ADGRB3: variants seen among roughly 807,000 people sequenced by gnomAD.
The protein encoded by ADGRB3 is adhesion G protein-coupled receptor B3.
ADGRB3 carries 37 observed loss-of-function variants against 193.4 expected under a neutral mutation model. The ratio of observed to expected loss-of-function variants is 0.19; its 90% CI spans 0.15 to 0.25. ADGRB3 has a LOEUF of 0.25. ADGRB3 is among the 10% of genes least tolerant of loss of function. The pLI, the probability that ADGRB3 is intolerant of heterozygous loss-of-function variation, is 1.00. For missense variants in ADGRB3, 1,637 were observed against 1,852.9 expected (o/e 0.88, Z 2.14); for synonymous variants, 690 against 644.2 (o/e 1.07, Z -1.08).
At chr6:68,877,988 C>A (rs569855744) in intron 3 of ADGRB3, among the ~76,000 whole-genome samples, 31 of 152,152 alleles carry the variant, frequency 2.0e-4, no homozygotes, top group African/African-American at 6.0e-4. Flanking sequence ...AGGCTAGAAT[C>A]TATTATGTTT....
At chr6:68,988,760 A>G (rs1047486475) in intron 10 of ADGRB3, among the ~76,000 whole-genome samples, 1 of 152,138 alleles carries the variant, frequency 6.6e-6, no homozygotes, top group African/African-American at 2.4e-5. Context: ...ACAAGCAGCG[A>G]TGCCCTTCCA....
intron 20 of ADGRB3, among the ~76,000 whole-genome samples, chr6:69,253,449 A>G (rs1441415159): frequency 6.6e-6 from 1 of 152,032 alleles, no homozygotes; most frequent in Non-Finnish European, 1.5e-5. Flanking sequence ...TCTAATGGCA[A>G]TGGGTATGAA....
chr6:68,879,655 T>G (rs1011984019), intron 3 of ADGRB3, among the ~76,000 whole-genome samples: 1 of 152,164 alleles, frequency 6.6e-6, no homozygotes, highest in South Asian at 2.1e-4. Flanking sequence ...TCTAGTGGTC[T>G]TGGGGAAAGT....
chr6:68,822,241 T>C (rs998895869), intron 3 of ADGRB3, among the ~76,000 whole-genome samples: 3 of 151,948 alleles, frequency 2.0e-5, no homozygotes, highest in African/African-American at 7.2e-5. Context: ...TATATAGCTT[T>C]TTATGTAGGC....
intron 8 of ADGRB3, among the ~76,000 whole-genome samples, chr6:68,966,496 A>G (rs1379102690): frequency 6.6e-6 from 1 of 152,114 alleles, no homozygotes; most frequent in Non-Finnish European, 1.5e-5. Flanking sequence ...CTTCTTGGTT[A>G]TTCCCAGTTC....
At chr6:68,642,957 A>C (rs1768115483) in intron 3 of ADGRB3, among the ~76,000 whole-genome samples, 1 of 152,186 alleles carries the variant, frequency 6.6e-6, no homozygotes, top group Non-Finnish European at 1.5e-5. Flanking sequence ...ATTCTGGACT[A>C]TATAGCTGAG....
chr6:68,661,896 A>C lies in ADGRB3; in HGVS notation c.757+22464A>C, dbSNP rs148339083. Among the ~76,000 whole-genome samples the C allele has an allele frequency of 3.9e-4, 59 of 151,524 alleles. 1 individual carries two copies. The East Asian group carries it at 7.8e-3, about 20-fold the overall frequency. ...TCTGCAGTAATCCAAAAATAAATTG[A>C]TTACAACAGAAGTAATTGAAAAACA... On this transcript the variant is annotated intron_variant, in intron 3 of 31. Transcript: ENST00000370598.
chr6:68,670,924 T>C (rs1768939457), intron 3 of ADGRB3, among the ~76,000 whole-genome samples: 1 of 152,040 alleles, frequency 6.6e-6, no homozygotes, highest in South Asian at 2.1e-4. Context: ...TGGTGTCCTC[T>C]TTAATTTCTT....
chr6:68,688,842 A>G (rs1435542900), intron 3 of ADGRB3, among the ~76,000 whole-genome samples: 2 of 152,172 alleles, frequency 1.3e-5, no homozygotes, highest in East Asian at 3.9e-4. Flanking sequence ...ACAGGACTTG[A>G]TTGGAATGGA....
intron 20 of ADGRB3, among the ~76,000 whole-genome samples, chr6:69,313,903 TTACTC>T (rs1281852348): frequency 1.3e-5 from 2 of 151,754 alleles, no homozygotes; most frequent in Non-Finnish European, 2.9e-5. Flanking sequence ...ATTTAACACT[TTACTC>T]TGGTCTCTCC....
At chr6:68,894,788 A>G (rs1295991823) in intron 3 of ADGRB3, among the ~76,000 whole-genome samples, 4 of 151,982 alleles carry the variant, frequency 2.6e-5, no homozygotes, top group Non-Finnish European at 4.4e-5. Flanking sequence ...TAAACATTTC[A>G]CTTAAAATCA....
rs1273256515 is a variant in ADGRB3 at position 68,683,281 on chromosome 6, C to T, written c.757+43849C>T. Among the ~76,000 whole-genome samples the T allele has an allele frequency of 2.6e-5, 4 of 152,140 alleles. No individual in the cohort carries two copies. The South Asian group carries it at 8.3e-4, about 32-fold the overall frequency. The stretch of plus-strand genomic sequence containing the variant: ...AATCTGAGATATTGATAAAGATTTA[C>T]ATGGTGCTAGTATTTATAATACCCT... On this transcript the variant is annotated intron_variant, in intron 3 of 31. Transcript: ENST00000370598.
chr6:69,336,410 ATT>A (rs35946396), intron 24 of ADGRB3, among the ~76,000 whole-genome samples: 3 of 148,268 alleles, frequency 2.0e-5, no homozygotes, highest in African/African-American at 7.4e-5. Context: ...ATTTCATGTG[ATT>A]TTTTTTTTTT....
chr6:69,018,328 A>G (rs776263230), intron 12 of ADGRB3, 63 bp from the exon 13 acceptor site: 444 of 995,348 alleles, frequency 4.5e-4, no homozygotes, highest in Non-Finnish European at 6.1e-4. Context: ...AAAAAAATTC[A>G]GTTATATATG....
chr6:69,020,545 G>A (rs1360222829), intron 13 of ADGRB3, among the ~76,000 whole-genome samples: 2 of 151,952 alleles, frequency 1.3e-5, no homozygotes, highest in African/African-American at 2.4e-5. Flanking sequence ...ACTGTAAGAG[G>A]TATATTAAGC....
At chr6:69,331,889 C>A in intron 23 of ADGRB3, 1 of 985,108 alleles carries the variant, frequency 1.0e-6, no homozygotes, top group Middle Eastern at 5.2e-4. Context: ...AATAAGTATT[C>A]TCTTGATTAA....
intron 15 of ADGRB3, among the ~76,000 whole-genome samples, chr6:69,062,173 G>T (rs1771767834): frequency 6.6e-6 from 1 of 151,800 alleles, no homozygotes. Flanking sequence ...AATACTAGAT[G>T]ATCTGCAGCA....
chr6:69,020,480 T>G (rs2150288227), intron 13 of ADGRB3, among the ~76,000 whole-genome samples: 1 of 152,160 alleles, frequency 6.6e-6, no homozygotes, highest in South Asian at 2.1e-4. Context: ...TTGTGTATTT[T>G]TTTGCAATAA....
intron 17 of ADGRB3, among the ~76,000 whole-genome samples, chr6:69,139,804 T>C (rs1774273531): frequency 6.6e-6 from 1 of 152,348 alleles, no homozygotes; most frequent in East Asian, 1.9e-4. Flanking sequence ...CCACAACTAG[T>C]GTATCCTGAC....
Sources: gnomAD v4.1 joint callset for allele counts (sites outside exome capture counted in the v4.1 genomes callset) on GRCh38, gnomAD v4.1.1 for gene constraint, MANE v1.5 for transcripts, NCBI Gene and HGNC (gene_info 2026-07-23, HGNC 2026-07-21) for gene names.